Variants in TENM4 observed in about 807,000 individuals in gnomAD.
The protein encoded by TENM4 is teneurin transmembrane protein 4.
In TENM4, 82 loss-of-function variants were observed where a neutral mutation model predicts 243.3. The observed-to-expected ratio is 0.34, with a 90% CI of 0.28 to 0.40. The LOEUF (loss-of-function observed/expected upper bound fraction) is 0.40, where lower values mean the gene tolerates loss of function less well. TENM4 is among the 10% of genes least tolerant of loss of function. The pLI is 1.00. For synonymous variants in TENM4, 1,412 were observed against 1,456.3 expected (o/e 0.97, Z 0.69); for missense variants, 3,138 against 3,673.3 (o/e 0.85, Z 3.77).
chr11:79,094,775 G>C (rs528291750), intron 4 of TENM4, among the ~76,000 whole-genome samples: 2 of 152,148 alleles, frequency 1.3e-5, no homozygotes, highest in East Asian at 1.9e-4. Flanking sequence ...CAGACCAGTG[G>C]GGGAGGAGCT....
chr11:79,350,971 A>G (rs1337681462), intron 1 of TENM4, among the ~76,000 whole-genome samples: 1 of 151,858 alleles, frequency 6.6e-6, no homozygotes, highest in Non-Finnish European at 1.5e-5. Context: ...TACCTCCCTC[A>G]GACCTCACTG....
At chr11:78,718,884 T>G (rs1161964004) in intron 25 of TENM4, among the ~76,000 whole-genome samples, 1 of 152,204 alleles carries the variant, frequency 6.6e-6, no homozygotes, top group Non-Finnish European at 1.5e-5. Context: ...TAATCACATA[T>G]ATGTTTCCTC....
chr11:79,155,919 T>C (rs1249121813), intron 3 of TENM4, among the ~76,000 whole-genome samples: 1 of 151,712 alleles, frequency 6.6e-6, no homozygotes, highest in East Asian at 1.9e-4. Context: ...CTTCCTTTTA[T>C]CCCCCCACCC....
At chr11:79,195,658 C>T (rs902317202) in intron 3 of TENM4, among the ~76,000 whole-genome samples, 3 of 152,114 alleles carry the variant, frequency 2.0e-5, no homozygotes, top group African/African-American at 7.2e-5. Context: ...AATATCTGTA[C>T]TCTCATTGTA....
At chr11:79,398,888 C>T (rs1858401726) in intron 1 of TENM4, among the ~76,000 whole-genome samples, 1 of 151,658 alleles carries the variant, frequency 6.6e-6, no homozygotes, top group Non-Finnish European at 1.5e-5. Flanking sequence ...CTCGAGGGGA[C>T]ACTGGAACTG....
chr11:79,109,113 A>G (rs1400965161), intron 4 of TENM4, among the ~76,000 whole-genome samples: 3 of 152,116 alleles, frequency 2.0e-5, no homozygotes, highest in African/African-American at 7.2e-5. Flanking sequence ...GGATGTTAAC[A>G]TTTACGGCCG....
chr11:79,342,322 G>A (rs1261452469), intron 1 of TENM4, among the ~76,000 whole-genome samples: 3 of 152,170 alleles, frequency 2.0e-5, no homozygotes, highest in Non-Finnish European at 4.4e-5. Flanking sequence ...AGAGGGCTTC[G>A]CAATAGCGCA....
chr11:79,042,499 C>T (rs970038054), intron 6 of TENM4, among the ~76,000 whole-genome samples: 10 of 152,298 alleles, frequency 6.6e-5, no homozygotes, highest in South Asian at 2.1e-4. Context: ...CCTTCTACCA[C>T]GGGAGGACAC....
At chr11:78,848,884 T>G (rs1258690629) in intron 12 of TENM4, among the ~76,000 whole-genome samples, 2 of 152,196 alleles carry the variant, frequency 1.3e-5, no homozygotes, top group Non-Finnish European at 2.9e-5. Context: ...AATCTGTTTC[T>G]AATCCCTGGA....
chr11:78,983,943 G>T (rs954677278), intron 6 of TENM4, among the ~76,000 whole-genome samples: 3 of 152,172 alleles, frequency 2.0e-5, no homozygotes. Flanking sequence ...GAGGACTCAG[G>T]GAATGTTCTA....
chr11:79,317,020 T>G (rs563830167), intron 1 of TENM4, among the ~76,000 whole-genome samples: 2 of 152,388 alleles, frequency 1.3e-5, no homozygotes, highest in Admixed American at 1.3e-4. Context: ...ATTTCATTTA[T>G]ACAACACTGT....
rs144141478 is a variant in TENM4 at position 78,794,401 on chromosome 11, C to T, written c.2180-7318G>A. On this transcript the variant is annotated intron_variant, in intron 15 of 33. Transcript: ENST00000278550. ...AATGGGGCAGCACTAAACTATTGGC[C>T]TCAGCGTTCTCCGTGAGGTAGGAGG... Among the ~76,000 whole-genome samples, 10 of 152,310 alleles carry T rather than the reference C, an allele frequency of 6.6e-5. No homozygotes were observed. The East Asian group carries it at 1.7e-3, about 26-fold the overall frequency.
chr11:79,264,152 G>A (rs1855843585), intron 2 of TENM4, among the ~76,000 whole-genome samples: 1 of 152,178 alleles, frequency 6.6e-6, no homozygotes, highest in Admixed American at 6.5e-5. Flanking sequence ...GTGTCCGACT[G>A]TGAAGAAACC....
chr11:79,006,664 T>C (rs1858492714), intron 6 of TENM4, among the ~76,000 whole-genome samples: 1 of 152,178 alleles, frequency 6.6e-6, no homozygotes, highest in Non-Finnish European at 1.5e-5. Context: ...AATTTAGATA[T>C]ACAGGCACAG....
intron 28 of TENM4, among the ~76,000 whole-genome samples, 168 bp from the exon 29 acceptor site, chr11:78,688,394 C>G (rs1389060204): frequency 6.6e-6 from 1 of 152,132 alleles, no homozygotes; most frequent in Non-Finnish European, 1.5e-5. Context: ...ACATAGATTT[C>G]AGGATGTGAC....
At chr11:79,439,673 A>ACACACACACACACACACACACG (rs1859357372) in intron 1 of TENM4, among the ~76,000 whole-genome samples, 1 of 150,842 alleles carries the variant, frequency 6.6e-6, no homozygotes, top group Non-Finnish European at 1.5e-5. Context: ...CCACACACAC[A>ACACACACACACACACACACACG]CACACACACA....
chr11:78,945,035 T>G lies in TENM4; in HGVS notation c.494-41512A>C, dbSNP rs552160256. On this transcript the variant is annotated intron_variant, in intron 6 of 33. Coordinates refer to ENST00000278550, the MANE Select transcript of TENM4 (RefSeq NM_001098816.3). Reference sequence around the variant, plus strand: ...TATTAAGGACTGTACTTTGGCTATCTTTTAGATGAAAGCAAGAGTAATTTT... The same window carrying G: ...TATTAAGGACTGTACTTTGGCTATCGTTTAGATGAAAGCAAGAGTAATTTT... 4.1e-4 allele frequency among the ~76,000 whole-genome samples: 63 copies of G among 152,374 alleles called. No individual in the cohort carries two copies. The South Asian group carries it at 0.011, about 27-fold the overall frequency.
intron 6 of TENM4, among the ~76,000 whole-genome samples, chr11:78,950,544 A>G (rs1466539213): frequency 1.3e-5 from 2 of 152,200 alleles, no homozygotes; most frequent in Non-Finnish European, 1.5e-5. Flanking sequence ...CTGGGATGCA[A>G]AAATGCCACT....
intron 1 of TENM4, among the ~76,000 whole-genome samples, chr11:79,418,727 T>A (rs747243589): frequency 2.0e-5 from 3 of 152,230 alleles, no homozygotes; most frequent in South Asian, 2.1e-4. Context: ...ACTGCCCCCA[T>A]GCAGAGGTGG....
Sources: allele counts gnomAD v4.1 joint callset (sites outside exome capture counted in the v4.1 genomes callset), GRCh38; gene constraint gnomAD v4.1.1; transcripts MANE v1.5; gene names NCBI Gene and HGNC (gene_info 2026-07-23, HGNC 2026-07-21).